Variants in SH3BGRL2 observed in about 807,000 individuals in gnomAD.
The protein encoded by SH3BGRL2 is SH3 domain binding glutamate rich protein like 2.
In SH3BGRL2, 21 loss-of-function variants were observed where a neutral mutation model predicts 14.8. The observed-to-expected ratio is 1.42, with a 90% confidence interval of 1.01 to 2.05. The LOEUF (loss-of-function observed/expected upper bound fraction) is 2.05, where lower values mean the gene tolerates loss of function less well. SH3BGRL2 is among the 30% of genes most tolerant of loss of function. The pLI is 0.00. For missense variants in SH3BGRL2, 147 were observed against 130.8 expected (o/e 1.12, Z -0.61); for synonymous variants, 50 against 47.8 (o/e 1.05, Z -0.19).
intron 2 of SH3BGRL2, among the ~76,000 whole-genome samples, chr6:79,688,538 G>C (rs1200813919): frequency 6.6e-6 from 1 of 152,134 alleles, no homozygotes; most frequent in Non-Finnish European, 1.5e-5. Context: ...GCAATCTACA[G>C]ATGTGTATTT....
chr6:79,555,456 G>GA, the SH3BGRL2 span, among the ~76,000 whole-genome samples: 8 of 150,966 alleles, frequency 5.3e-5, no homozygotes, highest in Middle Eastern at 6.8e-3. Context: ...TCTCAAAAAG[G>GA]AAAAAAAAAT....
chr6:79,685,401 G>T (rs879046651), intron 2 of SH3BGRL2, among the ~76,000 whole-genome samples: 12 of 152,110 alleles, frequency 7.9e-5, no homozygotes, highest in Admixed American at 1.3e-4. Context: ...GTTTTCCTCT[G>T]CTCTTCTTTC....
chr6:79,641,154 G>T (rs1253084342), intron 1 of SH3BGRL2, among the ~76,000 whole-genome samples: 13 of 45,566 alleles, frequency 2.9e-4, no homozygotes, highest in East Asian at 1.5e-3. Flanking sequence ...ACCCTTTTGT[G>T]TGTGTGTGTG....
intron 2 of SH3BGRL2, among the ~76,000 whole-genome samples, chr6:79,676,386 G>A (rs1321958405): frequency 1.3e-5 from 2 of 152,078 alleles, no homozygotes; most frequent in Admixed American, 6.5e-5. Flanking sequence ...TCTGTTTTCT[G>A]CTTTTGCTCA....
intron 1 of SH3BGRL2, 112 bp from the exon 2 acceptor site, chr6:79,673,502 C>T (rs1383553248): frequency 1.8e-6 from 2 of 1,084,188 alleles, no homozygotes; most frequent in African/African-American, 1.6e-5. Flanking sequence ...ATGACACCTA[C>T]ATAAATCACC....
At chr6:79,675,258 A>G (rs1769857221) in intron 2 of SH3BGRL2, among the ~76,000 whole-genome samples, 1 of 152,212 alleles carries the variant, frequency 6.6e-6, no homozygotes, top group South Asian at 2.1e-4. Flanking sequence ...TTCTGGGTAC[A>G]GAATTCTAGG....
chr6:79,600,570 C>G, the SH3BGRL2 span, among the ~76,000 whole-genome samples: 1 of 152,058 alleles, frequency 6.6e-6, no homozygotes, highest in African/African-American at 2.4e-5. Flanking sequence ...TCACTACAGT[C>G]TCCTGCCCCA....
chr6:79,658,011 A>C (rs950913611), intron 1 of SH3BGRL2, among the ~76,000 whole-genome samples: 1 of 152,214 alleles, frequency 6.6e-6, no homozygotes, highest in Non-Finnish European at 1.5e-5. Context: ...AGAAGCATCC[A>C]GCCACGGGCA....
the SH3BGRL2 span, among the ~76,000 whole-genome samples, chr6:79,596,158 GGGTTTTTTGGT>G: frequency 6.6e-6 from 1 of 152,262 alleles, no homozygotes; most frequent in Middle Eastern, 3.4e-3. Context: ...AAAACCTTCT[GGGTTTTTTGGT>G]GGAAAGGTGG....
At chr6:79,609,546 C>T in the SH3BGRL2 span, among the ~76,000 whole-genome samples, 5 of 152,256 alleles carry the variant, frequency 3.3e-5, no homozygotes, top group South Asian at 4.1e-4. Flanking sequence ...TCATCCATCC[C>T]CAGCCCTACA....
chr6:79,597,512 A>G, the SH3BGRL2 span, among the ~76,000 whole-genome samples: 1 of 152,172 alleles, frequency 6.6e-6, no homozygotes, highest in Non-Finnish European at 1.5e-5. Flanking sequence ...AAGATAATTC[A>G]ACGAGAAAAA....
At chr6:79,580,768 C>G in the SH3BGRL2 span, among the ~76,000 whole-genome samples, 1 of 152,000 alleles carries the variant, frequency 6.6e-6, no homozygotes, top group Non-Finnish European at 1.5e-5. Flanking sequence ...CACAAGCTAG[C>G]AGAAGGCAAG....
At chr6:79,686,101 A>G (rs1375894590) in intron 2 of SH3BGRL2, among the ~76,000 whole-genome samples, 2 of 152,148 alleles carry the variant, frequency 1.3e-5, no homozygotes, top group East Asian at 1.9e-4. Flanking sequence ...TATTCTTTGT[A>G]TTGATTGGAA....
rs974129832 is a variant in SH3BGRL2, at chr6:79,702,995, C to G, written c.*3486C>G. On this transcript the variant is annotated 3_prime_UTR_variant, in exon 4 of 4. Coordinates refer to ENST00000369838, the MANE Select transcript of SH3BGRL2 (RefSeq NM_031469.4). The stretch of plus-strand genomic sequence containing the variant: ...CTGAACGATTTCAAGCCCTACGCAC[C>G]AGAACAGAAGGAGGGTGGAGGAAGT... 3.9e-5 allele frequency: 6 copies of G among 152,210 alleles called. No homozygotes were observed. The highest frequency in any genetic ancestry group is 1.4e-4 in the African/African-American group (6 of 41,448). 9.4% of individuals were successfully genotyped at this position (152,210 alleles called of 1,614,324 possible). A position where few individuals can be genotyped will look rare whatever the true frequency, so the allele number is the denominator to read the frequency against.
At chr6:79,633,432 C>A (rs1768863125) in intron 1 of SH3BGRL2, among the ~76,000 whole-genome samples, 2 of 152,110 alleles carry the variant, frequency 1.3e-5, no homozygotes, top group South Asian at 4.1e-4. Flanking sequence ...AATAGGTATA[C>A]CTATACCTAT....
the SH3BGRL2 span, among the ~76,000 whole-genome samples, chr6:79,615,918 G>C: frequency 7.0e-6 from 1 of 143,466 alleles, no homozygotes; most frequent in Admixed American, 7.4e-5. Flanking sequence ...CCAGGTTCAA[G>C]AGATTCTCCT....
intron 1 of SH3BGRL2, among the ~76,000 whole-genome samples, chr6:79,660,970 G>A (rs2127729354): frequency 6.6e-6 from 1 of 152,244 alleles, no homozygotes; most frequent in South Asian, 2.1e-4. Flanking sequence ...GTATTTCTGT[G>A]GGATCAGTGG....
the SH3BGRL2 span, among the ~76,000 whole-genome samples, chr6:79,607,872 A>G: frequency 0.99 from 150,572 of 152,246 alleles, 74,480 homozygotes; most frequent in East Asian, 1. Context: ...TTGAACCCCA[A>G]GAGACAGAGG....
At chr6:79,552,223 C>T in the SH3BGRL2 span, among the ~76,000 whole-genome samples, 12 of 152,220 alleles carry the variant, frequency 7.9e-5, no homozygotes, top group Non-Finnish European at 1.5e-4. Flanking sequence ...CCAGTCAAAG[C>T]TGTAGTTACG....
Sources: gnomAD v4.1 joint callset for allele counts (sites outside exome capture counted in the v4.1 genomes callset) on GRCh38, gnomAD v4.1.1 for gene constraint, MANE v1.5 for transcripts, NCBI Gene and HGNC (gene_info 2026-07-23, HGNC 2026-07-21) for gene names.